LMX1A: variants seen among roughly 807,000 people sequenced by gnomAD.
LMX1A encodes LIM homeobox transcription factor 1 alpha.
In LMX1A, 15 loss-of-function variants were observed where a neutral mutation model predicts 49.1. The ratio of observed to expected loss-of-function variants is 0.31; its 90% CI spans 0.20 to 0.47. The LOEUF is 0.47. Among genes scored for constraint, LMX1A ranks in the 20% least tolerant of loss-of-function variants. LMX1A has a pLI of 1.00. For synonymous variants in LMX1A, 167 were observed against 185.7 expected, an observed-to-expected ratio of 0.90 and a Z score of 0.82; for missense variants, 372 against 475.8, an observed-to-expected ratio of 0.78 and a Z score of 2.03.
chr1:165,276,220 C>T (rs1341172704), intron 3 of LMX1A, among the ~76,000 whole-genome samples: 21 of 152,158 alleles, frequency 1.4e-4, no homozygotes, highest in Admixed American at 1.4e-3. Flanking sequence ...GCTTCTCTAC[C>T]TTTTCCTGCT....
At chr1:165,212,525 T>TC (rs1651451471) in intron 5 of LMX1A, among the ~76,000 whole-genome samples, 1 of 151,020 alleles carries the variant, frequency 6.6e-6, no homozygotes, top group South Asian at 2.1e-4. Context: ...TGTTTTTTTT[T>TC]TATCACAGAC....
At chr1:165,345,497 A>C (rs961592342) in intron 3 of LMX1A, among the ~76,000 whole-genome samples, 1 of 152,162 alleles carries the variant, frequency 6.6e-6, no homozygotes, top group South Asian at 2.1e-4. Context: ...ACAGTATCAG[A>C]CTCAGGCACT....
chr1:165,292,142 G>A lies in LMX1A; in HGVS notation c.264-42502C>T, dbSNP rs73013450. On this transcript the variant is annotated intron_variant, in intron 3 of 8. Coordinates refer to ENST00000342310, the MANE Select transcript of LMX1A (RefSeq NM_177398.4). ...AAGGCAGGCAGAGACGCATCAGGAA[G>A]GCAGTCTAACTTACTTCTGGCTTTG... Among the ~76,000 whole-genome samples, 716 of 150,816 alleles carry A rather than the reference G, an allele frequency of 4.7e-3. 3 individuals are homozygous for A. The highest frequency in any genetic ancestry group is 0.017 in the African/African-American group (683 of 41,094).
chr1:165,269,044 C>T (rs112212914), intron 3 of LMX1A, among the ~76,000 whole-genome samples: 1 of 152,200 alleles, frequency 6.6e-6, no homozygotes, highest in African/African-American at 2.4e-5. Context: ...CCTCCAAAGG[C>T]TCACCAAGAG....
At chr1:165,204,084 G>C (rs774638023) in intron 8 of LMX1A, 44 bp from the exon 9 acceptor site, 7 of 1,600,824 alleles carry the variant, frequency 4.4e-6, no homozygotes, top group Non-Finnish European at 6.0e-6. Flanking sequence ...TTGAAGAAGT[G>C]ACTCATTTCA....
intron 3 of LMX1A, among the ~76,000 whole-genome samples, chr1:165,313,616 G>A (rs1480668998): frequency 6.6e-6 from 1 of 151,894 alleles, no homozygotes; most frequent in African/African-American, 2.4e-5. Flanking sequence ...ACTTCAGGGA[G>A]CTATTGCCAG....
chr1:165,262,809 T>G (rs1163450629), intron 3 of LMX1A, among the ~76,000 whole-genome samples: 1 of 152,116 alleles, frequency 6.6e-6, no homozygotes, highest in East Asian at 1.9e-4. Context: ...ATTTATCTGA[T>G]GGCCTTTGTA....
At chr1:165,212,516 G>GTT (rs5778429) in intron 5 of LMX1A, among the ~76,000 whole-genome samples, 2,474 of 149,408 alleles carry the variant, frequency 0.017, 24 homozygotes, top group Non-Finnish European at 0.02. Flanking sequence ...CTTTTTGTTT[G>GTT]TTTTTTTTTT....
At chr1:165,256,238 GTTGGGGAAAGA>G (rs1653239339) in intron 3 of LMX1A, among the ~76,000 whole-genome samples, 1 of 152,216 alleles carries the variant, frequency 6.6e-6, no homozygotes. Context: ...TAGGTGAGGT[GTTGGGGAAAGA>G]ACACGGGACT....
intron 3 of LMX1A, among the ~76,000 whole-genome samples, chr1:165,275,332 T>C (rs1203461442): frequency 6.6e-6 from 1 of 152,216 alleles, no homozygotes; most frequent in African/African-American, 2.4e-5. Flanking sequence ...CAGTTATTCA[T>C]TAGCAACTGT....
intron 3 of LMX1A, among the ~76,000 whole-genome samples, chr1:165,279,277 G>A (rs1302135214): frequency 2.6e-5 from 4 of 152,154 alleles, no homozygotes; most frequent in South Asian, 2.1e-4. Context: ...AAGAGGCCTC[G>A]TCCCCAATAA....
chr1:165,264,101 A>G (rs1653539655), intron 3 of LMX1A, among the ~76,000 whole-genome samples: 1 of 152,164 alleles, frequency 6.6e-6, no homozygotes, highest in African/African-American at 2.4e-5. Flanking sequence ...GCATCAATTA[A>G]CTTTGTGACT....
At chr1:165,220,897 C>A (rs1651819113) in intron 4 of LMX1A, among the ~76,000 whole-genome samples, 1 of 152,188 alleles carries the variant, frequency 6.6e-6, no homozygotes, top group South Asian at 2.1e-4. Context: ...TAAAATTCCT[C>A]ATGTCTCTGA....
At chr1:165,276,416 C>G (rs1004119841) in intron 3 of LMX1A, among the ~76,000 whole-genome samples, 1 of 152,174 alleles carries the variant, frequency 6.6e-6, no homozygotes, top group African/African-American at 2.4e-5. Context: ...TTTGGTAAAG[C>G]TCAGGCAGAA....
At chr1:165,347,867 C>T (rs1421757144) in intron 3 of LMX1A, among the ~76,000 whole-genome samples, 4 of 152,038 alleles carry the variant, frequency 2.6e-5, no homozygotes, top group Admixed American at 6.5e-5. Flanking sequence ...ACACTATGAC[C>T]CAAATAATTT....
chr1:165,220,166 A>C (rs1651787808), intron 4 of LMX1A, among the ~76,000 whole-genome samples: 1 of 151,914 alleles, frequency 6.6e-6, no homozygotes, highest in Non-Finnish European at 1.5e-5. Context: ...AAAAAGAAGA[A>C]CCCCTTGCTC....
intron 3 of LMX1A, among the ~76,000 whole-genome samples, chr1:165,275,552 G>T (rs1034535096): frequency 6.6e-6 from 1 of 152,100 alleles, no homozygotes; most frequent in Admixed American, 6.5e-5. Flanking sequence ...TCCCTACTGG[G>T]TTCCCCTCAA....
chr1:165,308,848 G>A (rs556218274), intron 3 of LMX1A, among the ~76,000 whole-genome samples: 2 of 152,274 alleles, frequency 1.3e-5, no homozygotes, highest in South Asian at 4.1e-4. Flanking sequence ...GAGAAGTCAT[G>A]TGTCATCTGG....
intron 3 of LMX1A, among the ~76,000 whole-genome samples, chr1:165,344,614 T>C (rs1248659086): frequency 6.6e-6 from 1 of 152,142 alleles, no homozygotes; most frequent in Non-Finnish European, 1.5e-5. Flanking sequence ...AATCCACCTC[T>C]GGACTGTGAT....
Sources: gnomAD v4.1 joint callset for allele counts (sites outside exome capture counted in the v4.1 genomes callset) on GRCh38, gnomAD v4.1.1 for gene constraint, MANE v1.5 for transcripts, NCBI Gene and HGNC (gene_info 2026-07-23, HGNC 2026-07-21) for gene names.